The following CABCOCO1 variants were observed in gnomAD, a reference collection of about 807,000 sequenced individuals.
CABCOCO1 encodes ciliary-associated calcium-binding coiled-coil protein 1.
A neutral mutation model predicts 35.7 loss-of-function variants in CABCOCO1; 28 were observed. That is an observed-to-expected ratio of 0.78 (90% CI 0.58 to 1.07). The LOEUF is 1.07. Ranked by LOEUF, CABCOCO1 falls within the 50% of genes least tolerant of loss-of-function variation. The pLI is 0.00. For synonymous variants in CABCOCO1, 95 were observed against 100.1 expected, an observed-to-expected ratio of 0.95 and a Z score of 0.30; for missense variants, 326 against 309.2, an observed-to-expected ratio of 1.05 and a Z score of -0.41.
intron 2 of CABCOCO1, among the ~76,000 whole-genome samples, chr10:61,680,386 A>T (rs1299902686): frequency 4.5e-5 from 6 of 132,296 alleles, no homozygotes; most frequent in East Asian, 2.1e-4. Context: ...ATAACATATA[A>T]TATATATATT....
intron 5 of CABCOCO1, among the ~76,000 whole-genome samples, chr10:61,730,565 A>G (rs1324046351): frequency 1.3e-5 from 2 of 152,226 alleles, no homozygotes; most frequent in Middle Eastern, 3.4e-3. Flanking sequence ...ATGATCAAAG[A>G]GTGCTGAACT....
chr10:61,757,102 G>A (rs1344258211), intron 5 of CABCOCO1, among the ~76,000 whole-genome samples: 1 of 150,054 alleles, frequency 6.7e-6, no homozygotes, highest in Admixed American at 6.6e-5. Flanking sequence ...ATGAGGTTTT[G>A]TTAAAAAAAA....
intron 2 of CABCOCO1, among the ~76,000 whole-genome samples, chr10:61,679,577 C>T (rs72821786): frequency 0.049 from 7,393 of 152,114 alleles, 250 homozygotes; most frequent in Non-Finnish European, 0.073. Context: ...TTACTTCATA[C>T]AGAAAATGCC....
chr10:61,742,919 C>T (rs193098756), intron 5 of CABCOCO1, among the ~76,000 whole-genome samples: 25 of 152,194 alleles, frequency 1.6e-4, no homozygotes, highest in African/African-American at 5.8e-4. Flanking sequence ...GCACTGTGAG[C>T]AAAAATAGAA....
intron 1 of CABCOCO1, among the ~76,000 whole-genome samples, chr10:61,671,658 A>G (rs1839364169): frequency 6.6e-6 from 1 of 152,040 alleles, no homozygotes; most frequent in Non-Finnish European, 1.5e-5. Flanking sequence ...TTTCATCCAC[A>G]CTGCCAAGGA....
intron 5 of CABCOCO1, among the ~76,000 whole-genome samples, chr10:61,721,590 A>G (rs1480103059): frequency 3.3e-5 from 5 of 152,210 alleles, no homozygotes; most frequent in Non-Finnish European, 5.9e-5. Flanking sequence ...AGGAGCCACA[A>G]AAGAGGAACT....
At chr10:61,726,332 T>G (rs558909532) in intron 5 of CABCOCO1, among the ~76,000 whole-genome samples, 1 of 152,292 alleles carries the variant, frequency 6.6e-6, no homozygotes, top group Admixed American at 6.5e-5. Context: ...CTTGTGCATA[T>G]TCACAGGATA....
intron 4 of CABCOCO1, among the ~76,000 whole-genome samples, chr10:61,686,877 T>C (rs570315259): frequency 2.6e-5 from 4 of 152,220 alleles, no homozygotes; most frequent in African/African-American, 4.8e-5. Flanking sequence ...TGCATCTCTC[T>C]AAAGGGACAT....
intron 5 of CABCOCO1, among the ~76,000 whole-genome samples, chr10:61,752,089 C>T (rs890646804): frequency 3.9e-5 from 6 of 152,206 alleles, no homozygotes; most frequent in Admixed American, 2.6e-4. Flanking sequence ...CAAGAAAAGC[C>T]AGGGAAACTT....
At chr10:61,672,971 G>A (rs923228702) in intron 2 of CABCOCO1, among the ~76,000 whole-genome samples, 1 of 152,168 alleles carries the variant, frequency 6.6e-6, no homozygotes, top group Non-Finnish European at 1.5e-5. Flanking sequence ...TTTACCAAGA[G>A]CAGAGGTTTG....
At chr10:61,665,296 A>G (rs1159823861) in intron 1 of CABCOCO1, among the ~76,000 whole-genome samples, 1 of 152,224 alleles carries the variant, frequency 6.6e-6, no homozygotes, top group Non-Finnish European at 1.5e-5. Context: ...ATGCAGATCT[A>G]GAGAAATTAT....
intron 5 of CABCOCO1, among the ~76,000 whole-genome samples, chr10:61,746,338 C>T (rs1394009481): frequency 6.6e-6 from 1 of 152,122 alleles, no homozygotes; most frequent in Non-Finnish European, 1.5e-5. Context: ...TATAATGACT[C>T]ATTATGATTT....
chr10:61,720,576 G>T (rs1252431633), intron 5 of CABCOCO1, among the ~76,000 whole-genome samples: 1 of 152,180 alleles, frequency 6.6e-6, no homozygotes, highest in Non-Finnish European at 1.5e-5. Context: ...CCCAGGATGA[G>T]AAATGGTAGA....
chr10:61,723,459 G>T (rs1450910211), intron 5 of CABCOCO1, among the ~76,000 whole-genome samples: 1 of 152,162 alleles, frequency 6.6e-6, no homozygotes, highest in Non-Finnish European at 1.5e-5. Context: ...ACTGGCTTTT[G>T]CTAGTCAATG....
At chr10:61,699,648 T>G (rs754091983) in intron 5 of CABCOCO1, among the ~76,000 whole-genome samples, 4 of 151,932 alleles carry the variant, frequency 2.6e-5, no homozygotes, top group Non-Finnish European at 4.4e-5. Flanking sequence ...GACACTTTTC[T>G]TACAGAAAAA....
intron 1 of CABCOCO1, among the ~76,000 whole-genome samples, chr10:61,668,862 TA>T (rs1166670847): frequency 4.0e-5 from 6 of 151,810 alleles, no homozygotes; most frequent in Admixed American, 3.3e-4. Flanking sequence ...TGCAATACTT[TA>T]AAAAAATCAA....
intron 1 of CABCOCO1, among the ~76,000 whole-genome samples, chr10:61,668,354 C>A (rs1839254041): frequency 1.3e-5 from 2 of 151,894 alleles, no homozygotes; most frequent in South Asian, 4.2e-4. Context: ...ACTATGCTGG[C>A]CTCTTAAAAA....
At chr10:61,747,485 C>G (rs1293900577) in intron 5 of CABCOCO1, among the ~76,000 whole-genome samples, 1 of 151,780 alleles carries the variant, frequency 6.6e-6, no homozygotes, top group Non-Finnish European at 1.5e-5. Flanking sequence ...TTGGTATTTC[C>G]AATGATACTA....
intron 3 of CABCOCO1, among the ~76,000 whole-genome samples, chr10:61,681,814 C>A (rs1839800864): frequency 6.6e-6 from 1 of 151,264 alleles, no homozygotes; most frequent in African/African-American, 2.5e-5. Flanking sequence ...AAATAAGAAT[C>A]TATCCATATT....
Sources: allele counts gnomAD v4.1 joint callset (sites outside exome capture counted in the v4.1 genomes callset), GRCh38; gene constraint gnomAD v4.1.1; transcripts MANE v1.5; gene names NCBI Gene and HGNC (gene_info 2026-07-23, HGNC 2026-07-21).